The following ARSK variants were observed in gnomAD, a reference collection of about 807,000 sequenced individuals.
ARSK encodes the protein arylsulfatase K.
Under a neutral mutation model 53.2 loss-of-function variants are expected in ARSK, and 37 were observed. That is an observed-to-expected ratio of 0.70 (90% CI 0.54 to 0.92). ARSK has a LOEUF of 0.92. ARSK is among the 40% of genes least tolerant of loss of function. ARSK has a pLI of 0.00. For missense variants in ARSK, 613 were observed against 643.0 expected (o/e 0.95, Z 0.51); for synonymous variants, 208 against 223.2 (o/e 0.93, Z 0.61).
intron 2 of ARSK, 138 bp from the exon 3 acceptor site, chr5:95,567,752 G>A (rs1748749749): frequency 2.8e-6 from 2 of 707,564 alleles, no homozygotes; most frequent in Non-Finnish European, 2.2e-6. Flanking sequence ...GAAATGTTTG[G>A]TAAGGCACCT....
At chr5:95,597,522 C>A (rs908987007) in intron 6 of ARSK, among the ~76,000 whole-genome samples, 1 of 152,154 alleles carries the variant, frequency 6.6e-6, no homozygotes, top group Admixed American at 6.5e-5. Flanking sequence ...TAAGTTCAAA[C>A]CCCTCTTTAC....
rs1748961235 is a variant in ARSK, at chr5:95,578,296, C to G, written c.417-4620C>G. Among the ~76,000 whole-genome samples, 3 of 151,724 alleles carry G rather than the reference C, an allele frequency of 2.0e-5. No individual in the cohort carries two copies. In the South Asian group the frequency reaches 6.3e-4, roughly 32 times the overall value. ...CCTCCCAAGTAGCTAGGACCACAGGCACATACCGCCATGCCCAGTGAAGAA... is the reference window on the plus strand; with the variant it reads ...CCTCCCAAGTAGCTAGGACCACAGGGACATACCGCCATGCCCAGTGAAGAA... On this transcript the variant is annotated intron_variant, in intron 3 of 7. Coordinates refer to ENST00000380009, the MANE Select transcript of ARSK (RefSeq NM_198150.3).
rs759205627 is a variant in ARSK at position 95,583,067 on chromosome 5, G to A, written c.568G>A (p.Glu190Lys). 1.9e-6 allele frequency: 3 copies of A among 1,613,792 alleles called. No individual in the cohort carries two copies. The Admixed American group carries it at 5.0e-5, about 27-fold the overall frequency. ...CAAAGCAGTAAACTGGTTAAGAAAG[G>A]AAGCAATTAATTACACTGAACCATT... ...TDKAVNWLRKEAINYTEPFVI... is the reference protein window; with the variant it reads ...TDKAVNWLRKKAINYTEPFVI... Residue 190 changes from glutamate (E) to lysine (K), a missense_variant, in exon 4 of 8, where the codon GAA (glutamate) becomes AAA (lysine). Physicochemically the swap from Glu to Lys is moderately conservative, Grantham distance 56. Coordinates refer to ENST00000380009, the MANE Select transcript of ARSK (RefSeq NM_198150.3).
rs1440625465 is a variant in ARSK, at chr5:95,598,832, T to C, written c.1097-2015T>C. Among the ~76,000 whole-genome samples, 5 of 152,332 alleles carry C rather than the reference T, an allele frequency of 3.3e-5. No homozygotes were observed. In the South Asian group the frequency reaches 8.3e-4, roughly 25 times the overall value. ...AAAATAAACCAAGTAGGTTCCTGCC[T>C]TGGGGACTGTACACTTGCTATTCCC... On this transcript the variant is annotated intron_variant, in intron 6 of 7. Coordinates refer to ENST00000380009, the MANE Select transcript of ARSK (RefSeq NM_198150.3).
intron 2 of ARSK, 50 bp from the exon 3 acceptor site, chr5:95,567,840 A>C (rs376102291): frequency 2.6e-6 from 4 of 1,537,552 alleles, no homozygotes; most frequent in South Asian, 1.2e-5. Context: ...CCTAATAGTT[A>C]AATTGTTAAG....
chr5:95,591,204 T>G (rs1749209045), intron 5 of ARSK, among the ~76,000 whole-genome samples, 197 bp from the exon 6 acceptor site: 1 of 152,178 alleles, frequency 6.6e-6, no homozygotes, highest in Non-Finnish European at 1.5e-5. Flanking sequence ...TATTTTCTTC[T>G]TCCTCTAGTC....
chr5:95,603,066 T>A (rs1205840915), intron 7 of ARSK, among the ~76,000 whole-genome samples, 171 bp from the exon 8 acceptor site: 6 of 152,060 alleles, frequency 3.9e-5, no homozygotes, highest in Admixed American at 3.9e-4. Flanking sequence ...CAACATAGGG[T>A]GTTTAACTCC....
intron 3 of ARSK, among the ~76,000 whole-genome samples, chr5:95,571,938 G>C (rs1212224027): frequency 6.6e-6 from 1 of 152,180 alleles, no homozygotes; most frequent in Non-Finnish European, 1.5e-5. Context: ...GGGGCATTCA[G>C]TCTTGTTGAT....
At position 95,555,829 on chromosome 5, in the gene ARSK, G is replaced by A. The variant is rs962853654; in HGVS notation, c.126+425G>A. ...AGGAATTCATGTTTGGGTGAGAAGT[G>A]AAGAAAGTTTATTTTTATTACCCAG... On this transcript the variant is annotated intron_variant, in intron 1 of 7. Coordinates refer to ENST00000380009, the MANE Select transcript of ARSK (RefSeq NM_198150.3). The surrounding 1 kb of genome is among the most constrained non-coding windows in gnomAD (Gnocchi z 4.0). 2.0e-5 allele frequency among the ~76,000 whole-genome samples: 3 copies of A among 152,296 alleles called. No homozygotes were observed. Among genetic ancestry groups the A allele is most frequent in the Non-Finnish European group, 2.9e-5 (2 of 68,010 alleles).
At chr5:95,556,080 G>C in intron 1 of ARSK, 1 of 630,910 alleles carries the variant, frequency 1.6e-6, no homozygotes, top group Non-Finnish European at 2.8e-6. Context: ...TTAGACAATT[G>C]TTTGGTTATT....
chr5:95,580,940 A>C, intron 3 of ARSK: 1 of 1,286,674 alleles, frequency 7.8e-7, no homozygotes, highest in South Asian at 1.2e-5. Flanking sequence ...AAGTTTGAGA[A>C]AGGTAAAAAT....
At chr5:95,567,456 G>A (rs74842473) in intron 2 of ARSK, among the ~76,000 whole-genome samples, 336 of 152,294 alleles carry the variant, frequency 2.2e-3, no homozygotes, top group Non-Finnish European at 3.6e-3. Context: ...AACACACTAC[G>A]TTTTTTGTGG....
chr5:95,580,822 A>ATACATCAC, intron 3 of ARSK: 1 of 851,532 alleles, frequency 1.2e-6, no homozygotes, highest in Non-Finnish European at 1.7e-6. Context: ...CATCTACTGA[A>ATACATCAC]TACATCACTT....
At chr5:95,573,722 G>A (rs913422782) in intron 3 of ARSK, among the ~76,000 whole-genome samples, 1 of 152,154 alleles carries the variant, frequency 6.6e-6, no homozygotes, top group African/African-American at 2.4e-5. Context: ...GTCAAAATAA[G>A]CAGTATTTTT....
At position 95,555,492 on chromosome 5, in the gene ARSK, A is replaced by AACC; in HGVS notation, c.126+89_126+91dup. On this transcript the variant is annotated intron_variant, in intron 1 of 7. Transcript: ENST00000380009. The surrounding 1 kb of genome is among the most constrained non-coding windows in gnomAD (Gnocchi z 4.0). Reference sequence around the variant, plus strand: ...CTGTGCTGCAGGCTTTGGGGAGCAGAACCTGAGACATTTTCAAACACCTTT... The same window carrying AACC: ...CTGTGCTGCAGGCTTTGGGGAGCAGAACCACCTGAGACATTTTCAAACACCTTT... 7.2e-7 allele frequency: 1 copy of AACC among 1,395,886 alleles called. No homozygotes were observed. Among genetic ancestry groups the AACC allele is most frequent in the Non-Finnish European group, 9.5e-7 (1 of 1,050,012 alleles). The allele number at this position is 1,395,886 out of a possible 1,614,324, so 86.5% of individuals were successfully genotyped here.
At position 95,567,963 on chromosome 5, in the gene ARSK, A is replaced by T. The variant is rs1256430416; in HGVS notation, c.330A>T (p.Thr110=). 1 of 1,613,930 alleles carries T rather than the reference A, an allele frequency of 6.2e-7. No individual in the cohort carries two copies. The highest frequency in any genetic ancestry group is 1.1e-5 in the South Asian group (1 of 91,068). The change falls in exon 3 of 8, where the codon ACA becomes ACT. Residue 110 remains threonine (T), a synonymous_variant. Coordinates refer to ENST00000380009, the MANE Select transcript of ARSK (RefSeq NM_198150.3). ...NNFKGLDPNY[T]TWMDVMERHG... The stretch of plus-strand genomic sequence containing the variant: ...TTAAGGGTCTAGATCCAAATTATAC[A>T]ACATGGATGGATGTCATGGAGAGGC...
In ARSK at chr5:95,601,476, C is replaced by T. The variant is rs943966031; in HGVS notation, c.1321+405C>T. Among the ~76,000 whole-genome samples, 4 of 152,138 alleles carry T rather than the reference C, an allele frequency of 2.6e-5. No individual in the cohort carries two copies. In the East Asian group the frequency reaches 5.8e-4, roughly 22 times the overall value. ...AACCCCACAAGATAGTACCATTATC[C>T]TCATTTTACAGAGGAGTCTATGAGA... is the stretch of plus-strand genomic sequence containing the variant. On this transcript the variant is annotated intron_variant, in intron 7 of 7. Coordinates refer to ENST00000380009, the MANE Select transcript of ARSK (RefSeq NM_198150.3).
chr5:95,570,783 C>CT (rs59188205), intron 3 of ARSK, among the ~76,000 whole-genome samples: 3,648 of 142,494 alleles, frequency 0.026, 112 homozygotes, highest in African/African-American at 0.068. Context: ...ATATAACCAT[C>CT]TTTTTTTTTT....
Position 95,603,318 on chromosome 5 carries a change from A to C in ARSK, c.1403A>C (p.His468Pro). The C allele has an allele frequency of 3.1e-6, 5 of 1,609,748 alleles. No individual in the cohort carries two copies. The highest frequency in any genetic ancestry group is 4.2e-6 in the Non-Finnish European group (5 of 1,178,104). Residue 468 changes from histidine to proline, a missense_variant, in exon 8 of 8, where the codon CAT (histidine) becomes CCT (proline). Physicochemically the swap from His to Pro is moderately conservative, Grantham distance 77. Coordinates refer to ENST00000380009, the MANE Select transcript of ARSK (RefSeq NM_198150.3). The part of the protein sequence containing the change: ...EITYSLDQKL[H>P]SIINYPKVSA... The stretch of plus-strand genomic sequence containing the variant: ...ACTTATTCTTTGGATCAGAAGCTTC[A>C]TTCCATTATAAACTACCCTAAAGTT...
Sources: allele counts gnomAD v4.1 joint callset (sites outside exome capture counted in the v4.1 genomes callset), GRCh38; gene constraint gnomAD v4.1.1; non-coding constraint Gnocchi (gnomAD v3.1); transcripts MANE v1.5; gene names NCBI Gene and HGNC (gene_info 2026-07-23, HGNC 2026-07-21).